SLIT1: variants seen among roughly 807,000 people sequenced by gnomAD.
SLIT1 encodes slit guidance ligand 1, also known as slit homolog 1 protein.
In SLIT1, 66 loss-of-function variants were observed where a neutral mutation model predicts 186.1. The observed-to-expected ratio is 0.35, with a 90% confidence interval of 0.29 to 0.44. The LOEUF is 0.44. Among genes scored for constraint, SLIT1 ranks in the 20% least tolerant of loss-of-function variants. The pLI, the probability that SLIT1 is intolerant of heterozygous loss-of-function variation, is 1.00. For missense variants in SLIT1, 1,638 were observed against 2,037.4 expected, an observed-to-expected ratio of 0.80 and a Z score of 3.77; for synonymous variants, 761 against 833.8, an observed-to-expected ratio of 0.91 and a Z score of 1.50.
chr10:97,066,556 C>T (rs114449632), intron 4 of SLIT1, among the ~76,000 whole-genome samples: 2,104 of 152,130 alleles, frequency 0.014, 46 homozygotes, highest in African/African-American at 0.044. Flanking sequence ...ATGTGAGTTC[C>T]GGGAGCTCTG....
chr10:97,081,795 G>A (rs1225743932), intron 4 of SLIT1, among the ~76,000 whole-genome samples: 5 of 152,190 alleles, frequency 3.3e-5, no homozygotes, highest in African/African-American at 1.2e-4. Flanking sequence ...GAGGAGCTAC[G>A]AGGAACCACA....
intron 4 of SLIT1, among the ~76,000 whole-genome samples, chr10:97,100,457 C>T (rs1206873041): frequency 6.6e-6 from 1 of 151,894 alleles, no homozygotes; most frequent in Non-Finnish European, 1.5e-5. Context: ...AACGCTGTCT[C>T]TACAAAAAAT....
Position 97,068,264 on chromosome 10 carries a change from G to A in SLIT1, c.414-2178C>T, listed in dbSNP as rs534867640. On this transcript the variant is annotated intron_variant, in intron 4 of 36. Transcript: ENST00000266058. The surrounding 1 kb of genome is among the most constrained non-coding windows in gnomAD (Gnocchi z 4.2). ...AGCTGGAGGGAGGAGCCTGGGGTTC[G>A]AGGCCTGGCCCTCCCCCTCCTGGCC... Among the ~76,000 whole-genome samples the A allele has an allele frequency of 1.8e-3, 272 of 152,094 alleles. No homozygotes were observed. The highest frequency in any genetic ancestry group is 3.4e-3 in the Non-Finnish European group (230 of 67,972).
intron 20 of SLIT1, among the ~76,000 whole-genome samples, chr10:97,041,543 C>A (rs908039351): frequency 6.7e-6 from 1 of 150,030 alleles, no homozygotes; most frequent in African/African-American, 2.5e-5. Context: ...GTGATCTCGG[C>A]TCACTGCAAC....
intron 13 of SLIT1, among the ~76,000 whole-genome samples, chr10:97,050,844 G>A (rs927963713): frequency 6.6e-6 from 1 of 152,188 alleles, no homozygotes; most frequent in Non-Finnish European, 1.5e-5. Flanking sequence ...AAAACAGGCT[G>A]TGCCAGAAAC....
At position 97,021,121 on chromosome 10, in the gene SLIT1, G is replaced by GCCTTGTTC. The variant is rs3832697; in HGVS notation, c.2746+121_2746+128dup. 0.057 allele frequency: 44,891 copies of GCCTTGTTC among 784,310 alleles called. 2,163 individuals are homozygous for GCCTTGTTC. Among genetic ancestry groups the GCCTTGTTC allele is most frequent in the East Asian group, 0.17 (5,737 of 33,400 alleles). The allele number at this position is 784,310 out of a possible 1,614,324, so 48.6% of individuals were successfully genotyped here. On this transcript the variant is annotated intron_variant, in intron 26 of 36. Coordinates refer to ENST00000266058, the MANE Select transcript of SLIT1 (RefSeq NM_003061.3). The surrounding 1 kb of genome is among the most constrained non-coding windows in gnomAD (Gnocchi z 4.5). ...GGAAGGCAGCCATCAAGCCGCAGGT[G>GCCTTGTTC]CCTTGTTCCTGTCCCCTGACCCCCC... is the stretch of plus-strand genomic sequence containing the variant.
At chr10:97,019,181 C>G in intron 26 of SLIT1, 74 bp from the exon 27 acceptor site, 2 of 954,780 alleles carry the variant, frequency 2.1e-6, no homozygotes, top group South Asian at 2.9e-5. Flanking sequence ...CACCTCAACC[C>G]CGAGGAGCCC....
chr10:97,024,842 A>C (rs1156919395), intron 25 of SLIT1, among the ~76,000 whole-genome samples: 1 of 152,220 alleles, frequency 6.6e-6, no homozygotes, highest in Non-Finnish European at 1.5e-5. Context: ...CATTTAGAGA[A>C]AAATGCCAAA....
intron 4 of SLIT1, among the ~76,000 whole-genome samples, chr10:97,075,629 G>A (rs1329337955): frequency 6.6e-6 from 1 of 152,200 alleles, no homozygotes; most frequent in African/African-American, 2.4e-5. Flanking sequence ...TCACACGACT[G>A]TTATCAATAA....
At chr10:97,108,039 C>T (rs369545016) in intron 4 of SLIT1, among the ~76,000 whole-genome samples, 6 of 152,334 alleles carry the variant, frequency 3.9e-5, no homozygotes, top group Admixed American at 2.0e-4. Context: ...TTCCCTGCCC[C>T]GGGGTGTCTG....
intron 4 of SLIT1, among the ~76,000 whole-genome samples, chr10:97,134,893 C>T (rs1296309739): frequency 6.6e-6 from 1 of 152,168 alleles, no homozygotes; most frequent in African/African-American, 2.4e-5. Context: ...AACCCACTCA[C>T]TGTGCAACCT....
chr10:97,070,880 A>G (rs892218827), intron 4 of SLIT1, among the ~76,000 whole-genome samples: 1 of 152,188 alleles, frequency 6.6e-6, no homozygotes, highest in African/African-American at 2.4e-5. Flanking sequence ...CTGCAGTGGC[A>G]CAATCATAGC....
chr10:97,120,499 G>A (rs896008141), intron 4 of SLIT1, among the ~76,000 whole-genome samples: 4 of 152,230 alleles, frequency 2.6e-5, no homozygotes, highest in African/African-American at 4.8e-5. Context: ...TCAAGGACTT[G>A]TGTCGGGGTA....
At chr10:97,050,348 G>A (rs1848776127) in intron 13 of SLIT1, among the ~76,000 whole-genome samples, 4 of 152,184 alleles carry the variant, frequency 2.6e-5, no homozygotes, top group Non-Finnish European at 5.9e-5. Flanking sequence ...TCTGTGCCCA[G>A]CTCACCTCAG....
At chr10:97,109,927 CTG>C (rs1001980322) in intron 4 of SLIT1, among the ~76,000 whole-genome samples, 1 of 152,186 alleles carries the variant, frequency 6.6e-6, no homozygotes, top group African/African-American at 2.4e-5. Flanking sequence ...GGAAAGAACA[CTG>C]TATTCAGCTC....
At position 97,000,103 on chromosome 10, in the gene SLIT1, A is replaced by ACTT. The variant is rs920874883; in HGVS notation, c.*1006_*1008dup. 8 of 152,190 alleles carry ACTT rather than the reference A, an allele frequency of 5.3e-5. No homozygotes were observed. Among genetic ancestry groups the ACTT allele is most frequent in the African/African-American group, 1.7e-4 (7 of 41,420 alleles). The allele number at this position is 152,190 out of a possible 1,614,324, so 9.4% of individuals were successfully genotyped here. A position where few individuals can be genotyped will look rare whatever the true frequency, so the allele number is the denominator to read the frequency against. On this transcript the variant is annotated 3_prime_UTR_variant, in exon 37 of 37. Coordinates refer to ENST00000266058, the MANE Select transcript of SLIT1 (RefSeq NM_003061.3). ...GCCCCGAGTGATAGAGCCAGCAGGG[A>ACTT]CTTCCCAATGCCTGGAGCACTGTCC... is the stretch of plus-strand genomic sequence containing the variant.
At chr10:97,035,109 G>C (rs1481241996) in intron 22 of SLIT1, among the ~76,000 whole-genome samples, 1 of 135,972 alleles carries the variant, frequency 7.4e-6, no homozygotes, top group Admixed American at 7.1e-5. Context: ...TGTGGCATCT[G>C]ACACAACTGA....
intron 30 of SLIT1, among the ~76,000 whole-genome samples, chr10:97,012,069 G>T: frequency 7.8e-6 from 1 of 129,008 alleles, no homozygotes. Context: ...ATACTTTCAA[G>T]CCCAGTACAC....
intron 4 of SLIT1, among the ~76,000 whole-genome samples, chr10:97,095,873 A>C (rs1177443534): frequency 6.6e-6 from 1 of 152,152 alleles, no homozygotes; most frequent in Non-Finnish European, 1.5e-5. Flanking sequence ...CCAGCCACTA[A>C]TGTGCACACA....
Sources: gnomAD v4.1 joint callset for allele counts (sites outside exome capture counted in the v4.1 genomes callset) on GRCh38, gnomAD v4.1.1 for gene constraint, Gnocchi (gnomAD v3.1) non-coding constraint, MANE v1.5 for transcripts, NCBI Gene and HGNC (gene_info 2026-07-23, HGNC 2026-07-21) for gene names.